PIK3C2B: variants seen among roughly 807,000 people sequenced by gnomAD.
The protein encoded by PIK3C2B is phosphatidylinositol-4-phosphate 3-kinase catalytic subunit type 2 beta.
Under a neutral mutation model 184.3 loss-of-function variants are expected in PIK3C2B, and 83 were observed. That is an observed-to-expected ratio of 0.45 (90% CI 0.38 to 0.54). PIK3C2B has a LOEUF of 0.54. Among genes scored for constraint, PIK3C2B ranks in the 20% least tolerant of loss-of-function variants. The pLI, the probability that PIK3C2B is intolerant of heterozygous loss-of-function variation, is 0.00. For synonymous variants in PIK3C2B, 779 were observed against 837.6 expected, an observed-to-expected ratio of 0.93 and a Z score of 1.21; for missense variants, 1,736 against 2,113.5, an observed-to-expected ratio of 0.82 and a Z score of 3.50.
intron 21 of PIK3C2B, among the ~76,000 whole-genome samples, chr1:204,440,801 T>TG (rs1675619212): frequency 1.3e-5 from 2 of 150,034 alleles, no homozygotes; most frequent in South Asian, 4.2e-4. Context: ...TTAGTAGAGA[T>TG]GGGGTCTCAC....
chr1:204,478,637 G>A (rs558505305), intron 1 of PIK3C2B, among the ~76,000 whole-genome samples: 1 of 152,290 alleles, frequency 6.6e-6, no homozygotes, highest in Admixed American at 6.5e-5. Context: ...AACAGCTTGT[G>A]TTTTCTTCCC....
chr1:204,459,857 A>G (rs1332152746), intron 8 of PIK3C2B, 21 bp downstream of exon 8: 7 of 1,605,888 alleles, frequency 4.4e-6, no homozygotes, highest in African/African-American at 1.3e-5. Context: ...CAGCAGGGCC[A>G]GCCCCTGGAT....
At chr1:204,489,484 TA>T (rs34501643) in intron 1 of PIK3C2B, among the ~76,000 whole-genome samples, 59,753 of 146,344 alleles carry the variant, frequency 0.41, 13,535 homozygotes, top group Non-Finnish European at 0.5. Context: ...TCTTTTAATT[TA>T]AAAAAAAAAA....
intron 2 of PIK3C2B, among the ~76,000 whole-genome samples, chr1:204,468,525 C>A (rs1656005523): frequency 6.6e-6 from 1 of 152,186 alleles, no homozygotes; most frequent in Admixed American, 6.5e-5. Flanking sequence ...GTCCAGAGGG[C>A]CATTCAGCCA....
rs1376060583 is a variant in PIK3C2B at position 204,459,940 on chromosome 1, G to A, written c.1504C>T (p.Gln502Ter). The A allele has an allele frequency of 6.2e-7, 1 of 1,613,744 alleles. No homozygotes were observed. The highest frequency in any genetic ancestry group is 8.5e-7 in the Non-Finnish European group (1 of 1,179,848). The change falls in exon 8 of 33, where the codon CAG becomes TAG. Residue 502 changes from glutamine (Q) to a stop codon, truncating the protein, a stop_gained and splice_region_variant. Coordinates refer to ENST00000684373, the MANE Select transcript of PIK3C2B (RefSeq NM_001377334.1). LOFTEE classifies it high-confidence loss of function. ...ERPVKQTISR[Q>*]ALSLLFDTYH... is the part of the protein sequence containing the mutation. ...GTGTCGAACAGAAGACTCAGGGCCT[G>A]CCTGGGAGTTGGGGGCAGGGAAAAA...
At position 204,433,300 on chromosome 1, in the gene PIK3C2B, C is replaced by T; in HGVS notation, c.3953+16G>A. On this transcript the variant is annotated intron_variant, in intron 26 of 32. Coordinates refer to ENST00000684373, the MANE Select transcript of PIK3C2B (RefSeq NM_001377334.1). The surrounding 1 kb of genome is among the most constrained non-coding windows in gnomAD (Gnocchi z 5.0). ...TCAGGGTGGGCAGTGCTGATTCGCT[C>T]AGGGAATCATTTTACCTAGTGAAGT... is the stretch of plus-strand genomic sequence containing the variant. 1 of 1,360,558 alleles carries T rather than the reference C, an allele frequency of 7.3e-7. No homozygotes were observed. Among genetic ancestry groups the T allele is most frequent in the South Asian group, 1.2e-5 (1 of 85,790 alleles). The allele number at this position is 1,360,558 out of a possible 1,614,324, so 84.3% of individuals were successfully genotyped here.
intron 5 of PIK3C2B, among the ~76,000 whole-genome samples, chr1:204,462,628 G>A (rs1356600196): frequency 6.6e-6 from 1 of 152,200 alleles, no homozygotes; most frequent in Admixed American, 6.5e-5. Flanking sequence ...ACATAAGTGA[G>A]TTTAAAGGTG....
Position 204,494,174 on chromosome 1 carries a change from A to C in PIK3C2B, c.-85+182T>G, listed in dbSNP as rs189684248. 4.6e-3 allele frequency among the ~76,000 whole-genome samples: 703 copies of C among 152,266 alleles called. 2 individuals are homozygous for C. The highest frequency in any genetic ancestry group is 0.016 in the African/African-American group (675 of 41,558). On this transcript the variant is annotated intron_variant, in intron 1 of 32. Transcript: ENST00000684373. Reference sequence around the variant, plus strand: ...GGGCAACCTGCTCTGCCCGGCGGGCAGGAGCTCAGGCTCCCACGGCGTCCG... The same window carrying C: ...GGGCAACCTGCTCTGCCCGGCGGGCCGGAGCTCAGGCTCCCACGGCGTCCG...
chr1:204,454,851 A>C, intron 11 of PIK3C2B, 60 bp from the exon 12 acceptor site: 1 of 1,561,282 alleles, frequency 6.4e-7, no homozygotes, highest in South Asian at 1.2e-5. Flanking sequence ...ACCCAAACCT[A>C]TGCGTCCCTC....
chr1:204,470,671 C>T (rs1234176512), intron 1 of PIK3C2B, among the ~76,000 whole-genome samples: 3 of 152,204 alleles, frequency 2.0e-5, no homozygotes, highest in South Asian at 2.1e-4. Context: ...AAAATAAAAG[C>T]ATATGTCTAC....
intron 31 of PIK3C2B, among the ~76,000 whole-genome samples, chr1:204,427,421 A>C (rs1434094140): frequency 6.6e-6 from 1 of 152,142 alleles, no homozygotes; most frequent in Non-Finnish European, 1.5e-5. Flanking sequence ...TCCTCATTCT[A>C]ATGAGGCTCA....
At chr1:204,443,352 TAAG>T (rs940101006) in intron 19 of PIK3C2B, 62 bp downstream of exon 19, 21 of 1,495,248 alleles carry the variant, frequency 1.4e-5, no homozygotes, top group Non-Finnish European at 1.9e-5. Context: ...TCAGGATTCC[TAAG>T]AAGAAACTGG....
chr1:204,436,347 T>A (rs779809631), intron 23 of PIK3C2B, among the ~76,000 whole-genome samples: 13 of 152,026 alleles, frequency 8.6e-5, no homozygotes, highest in Non-Finnish European at 1.9e-4. Flanking sequence ...CTGGGCAACA[T>A]GGCAAAACCC....
At chr1:204,453,902 T>C (rs988961432) in intron 12 of PIK3C2B, among the ~76,000 whole-genome samples, 53 of 152,038 alleles carry the variant, frequency 3.5e-4, no homozygotes, top group Middle Eastern at 3.4e-3. Flanking sequence ...GCCTCCCTAG[T>C]AGCTGGGATT....
At chr1:204,449,758 A>G in intron 13 of PIK3C2B, 92 bp downstream of exon 13, 1 of 1,193,100 alleles carries the variant, frequency 8.4e-7, no homozygotes, top group Non-Finnish European at 1.2e-6. Flanking sequence ...AACTCTCCCA[A>G]GGCGCACTGG....
intron 29 of PIK3C2B, among the ~76,000 whole-genome samples, chr1:204,429,114 G>T (rs12120371): frequency 6.6e-6 from 1 of 152,066 alleles, no homozygotes; most frequent in Admixed American, 6.5e-5. Context: ...TACAGTCCCA[G>T]CTACTCAGGA....
Position 204,469,120 on chromosome 1 carries a change from T to C in PIK3C2B, c.683A>G (p.Tyr228Cys), listed in dbSNP as rs1281678700. The C allele has an allele frequency of 1.1e-5, 17 of 1,614,074 alleles. No homozygotes were observed. In the East Asian group the frequency reaches 1.1e-4, roughly 11 times the overall value. The change falls in exon 2 of 33, where the codon TAT becomes TGT. Residue 228 changes from tyrosine to cysteine, a missense_variant. Tyr to Cys is a radical substitution (Grantham distance 194). Around this residue, in one of 8 missense-constraint regions of PIK3C2B, gnomAD observed 404 missense variants for 418.0 expected, o/e 0.97. Transcript: ENST00000684373. ...GQGRLLGSVD[Y>C]DGINDAITRL... ...AGTAATTGCATCATTGATACCATCATAGTCCACAGACCCCAGTAGGCGCCC... is the reference window on the plus strand; with the variant it reads ...AGTAATTGCATCATTGATACCATCACAGTCCACAGACCCCAGTAGGCGCCC...
intron 2 of PIK3C2B, chr1:204,466,660 G>A (rs894443854): frequency 5.1e-6 from 2 of 390,410 alleles, no homozygotes; most frequent in South Asian, 4.1e-5. Context: ...GAGACAGTGG[G>A]GGGAGGGAAG....
intron 1 of PIK3C2B, among the ~76,000 whole-genome samples, chr1:204,493,296 G>T (rs527840617): frequency 6.6e-6 from 1 of 152,124 alleles, no homozygotes; most frequent in African/African-American, 2.4e-5. Context: ...CTTGGAGCCC[G>T]GGTAGCCGCC....
Sources: gnomAD v4.1 joint callset for allele counts (sites outside exome capture counted in the v4.1 genomes callset) on GRCh38, gnomAD v4.1.1 for gene constraint, gnomAD v4.1.1 regional missense constraint, Gnocchi (gnomAD v3.1) non-coding constraint, MANE v1.5 for transcripts, NCBI Gene and HGNC (gene_info 2026-07-23, HGNC 2026-07-21) for gene names.